The following NRXN3 variants were observed in gnomAD, a reference collection of about 807,000 sequenced individuals.
The protein encoded by NRXN3 is neurexin III.
In NRXN3, 32 loss-of-function variants were observed where a neutral mutation model predicts 137.6. The observed-to-expected ratio is 0.23, with a 90% CI of 0.18 to 0.31. NRXN3 has a LOEUF of 0.31. NRXN3 is among the 10% of genes least tolerant of loss of function. The probability of loss-of-function intolerance (pLI) is 1.00; values close to 1 mark genes in which losing one functional copy is unlikely to be tolerated. For synonymous variants in NRXN3, 798 were observed against 784.5 expected, an observed-to-expected ratio of 1.02 and a Z score of -0.29; for missense variants, 1,574 against 2,062.5, an observed-to-expected ratio of 0.76 and a Z score of 4.59.
At chr14:78,332,737 C>T (rs900442323) in intron 4 of NRXN3, among the ~76,000 whole-genome samples, 2 of 152,194 alleles carry the variant, frequency 1.3e-5, no homozygotes, top group African/African-American at 4.8e-5. Context: ...CAACTTTGAA[C>T]AATTTAAAAA....
intron 4 of NRXN3, among the ~76,000 whole-genome samples, chr14:78,621,303 A>G (rs189396111): frequency 1.1e-4 from 17 of 152,228 alleles, no homozygotes; most frequent in Non-Finnish European, 2.5e-4. Context: ...CTAATTCTGT[A>G]TTTTCCTAAT....
chr14:78,468,713 A>T (rs1229794726), intron 4 of NRXN3, among the ~76,000 whole-genome samples: 2 of 152,212 alleles, frequency 1.3e-5, no homozygotes, highest in Non-Finnish European at 2.9e-5. Context: ...GGTTATACGT[A>T]TGTGTGAAGA....
intron 14 of NRXN3, among the ~76,000 whole-genome samples, chr14:78,969,985 G>C (rs949041268): frequency 6.6e-6 from 1 of 152,030 alleles, no homozygotes; most frequent in African/African-American, 2.4e-5. Flanking sequence ...GTGTATTAAA[G>C]GGCAATCCTG....
intron 15 of NRXN3, among the ~76,000 whole-genome samples, chr14:79,234,920 G>C (rs978826543): frequency 2.0e-4 from 30 of 152,078 alleles, no homozygotes; most frequent in Admixed American, 1.9e-3. Flanking sequence ...AACTAAACAA[G>C]AGTGTTTATT....
intron 16 of NRXN3, among the ~76,000 whole-genome samples, chr14:79,484,749 A>C (rs1202425124): frequency 6.6e-6 from 1 of 152,164 alleles, no homozygotes. Context: ...AGTCACAGCT[A>C]TTTTAGGTAT....
intron 16 of NRXN3, among the ~76,000 whole-genome samples, chr14:79,569,315 A>G (rs61029849): frequency 0.019 from 2,903 of 152,190 alleles, 102 homozygotes; most frequent in African/African-American, 0.067. Flanking sequence ...AAACACATCT[A>G]TGTATTCATT....
chr14:79,104,179 G>A (rs2051916046), intron 15 of NRXN3, among the ~76,000 whole-genome samples: 1 of 152,124 alleles, frequency 6.6e-6, no homozygotes, highest in South Asian at 2.1e-4. Context: ...ATTAAATTGT[G>A]TTGAGTATTT....
At position 79,499,061 on chromosome 14, in the gene NRXN3, C is replaced by T. The variant is rs551527993; in HGVS notation, c.3444+31659C>T. 7.2e-5 allele frequency among the ~76,000 whole-genome samples: 11 copies of T among 152,316 alleles called. No homozygotes were observed. The East Asian group carries it at 2.1e-3, about 29-fold the overall frequency. ...TCACTCCCTGCCAATCTTTTCTCCT[C>T]AAAGAAGCCAGAATGGTATTTTTTA... On this transcript the variant is annotated intron_variant, in intron 16 of 20. Transcript: ENST00000335750.
chr14:78,970,253 A>G (rs566831677), intron 14 of NRXN3, among the ~76,000 whole-genome samples: 9 of 151,358 alleles, frequency 5.9e-5, no homozygotes, highest in African/African-American at 2.0e-4. Flanking sequence ...AACACATGCA[A>G]TTATAAATTT....
intron 4 of NRXN3, among the ~76,000 whole-genome samples, chr14:78,463,374 C>G (rs903654654): frequency 6.8e-6 from 1 of 147,918 alleles, no homozygotes; most frequent in African/African-American, 2.5e-5. Context: ...GTGCCAGTGT[C>G]TTTTTAATAT....
chr14:78,903,163 T>C (rs75990696), intron 10 of NRXN3, among the ~76,000 whole-genome samples: 1 of 150,988 alleles, frequency 6.6e-6, no homozygotes, highest in Admixed American at 6.6e-5. Context: ...TTTTTTTTTT[T>C]TCTGAGACAG....
chr14:79,660,744 G>C (rs140900718), intron 16 of NRXN3, among the ~76,000 whole-genome samples: 26 of 152,214 alleles, frequency 1.7e-4, no homozygotes, highest in Admixed American at 1.7e-3. Flanking sequence ...GGGGTGAATT[G>C]AATCACCAGC....
chr14:79,851,918 G>A (rs1421412335), intron 20 of NRXN3, among the ~76,000 whole-genome samples: 2 of 151,856 alleles, frequency 1.3e-5, no homozygotes, highest in Admixed American at 1.3e-4. Flanking sequence ...TGATTGTCCT[G>A]TAGTTTACAG....
At chr14:79,169,141 C>A in intron 15 of NRXN3, among the ~76,000 whole-genome samples, 1 of 152,072 alleles carries the variant, frequency 6.6e-6, no homozygotes, top group East Asian at 1.9e-4. Context: ...TTACATCTTA[C>A]ACTTTGCCTT....
At chr14:79,818,454 G>C (rs2099259931) in intron 20 of NRXN3, among the ~76,000 whole-genome samples, 1 of 152,156 alleles carries the variant, frequency 6.6e-6, no homozygotes, top group South Asian at 2.1e-4. Context: ...AAGGATAGAG[G>C]CTCTTAGCGA....
At chr14:78,973,168 A>G (rs1417473062) in intron 14 of NRXN3, among the ~76,000 whole-genome samples, 1 of 152,208 alleles carries the variant, frequency 6.6e-6, no homozygotes, top group Non-Finnish European at 1.5e-5. Flanking sequence ...GTTTGACAGC[A>G]TCCCATACCG....
intron 15 of NRXN3, among the ~76,000 whole-genome samples, chr14:79,223,804 A>G (rs1201307816): frequency 6.6e-6 from 1 of 152,162 alleles, no homozygotes; most frequent in Non-Finnish European, 1.5e-5. Flanking sequence ...AAAACACAAA[A>G]GTGGTTGCCT....
At chr14:79,723,106 A>C (rs1427762621) in intron 19 of NRXN3, among the ~76,000 whole-genome samples, 4 of 152,168 alleles carry the variant, frequency 2.6e-5, no homozygotes, top group Non-Finnish European at 5.9e-5. Flanking sequence ...GAAACCTAGG[A>C]TATAAGTGAG....
intron 14 of NRXN3, among the ~76,000 whole-genome samples, chr14:78,971,739 G>A (rs1178827203): frequency 2.0e-5 from 3 of 152,058 alleles, no homozygotes; most frequent in Admixed American, 6.6e-5. Context: ...AGCTTCAAGC[G>A]AATCTGCTGC....
Sources: allele counts gnomAD v4.1 joint callset (sites outside exome capture counted in the v4.1 genomes callset), GRCh38; gene constraint gnomAD v4.1.1; transcripts MANE v1.5; gene names NCBI Gene and HGNC (gene_info 2026-07-23, HGNC 2026-07-21).